Variants in SPATA16 observed in about 807,000 individuals in gnomAD.
SPATA16 encodes spermatogenesis-associated protein 16.
SPATA16 carries 36 observed loss-of-function variants against 63.3 expected under a neutral mutation model. The observed-to-expected ratio is 0.57, with a 90% confidence interval of 0.44 to 0.75. The LOEUF (loss-of-function observed/expected upper bound fraction) is 0.75. Ranked by LOEUF, SPATA16 falls within the 30% of genes least tolerant of loss-of-function variation. SPATA16 has a pLI of 0.00. For synonymous variants in SPATA16, 203 were observed against 216.7 expected (o/e 0.94, Z 0.56); for missense variants, 646 against 679.3 (o/e 0.95, Z 0.54).
At chr3:173,051,276 C>T (rs540339635) in intron 2 of SPATA16, among the ~76,000 whole-genome samples, 4 of 152,302 alleles carry the variant, frequency 2.6e-5, no homozygotes, top group South Asian at 2.1e-4. Context: ...GATCTCTCCT[C>T]ACAGCAACCT....
At chr3:173,107,190 G>A (rs1323227983) in intron 2 of SPATA16, among the ~76,000 whole-genome samples, 2 of 152,052 alleles carry the variant, frequency 1.3e-5, no homozygotes, top group Non-Finnish European at 2.9e-5. Flanking sequence ...CACTCTTACA[G>A]TGACATTGTA....
chr3:173,021,177 C>A (rs192209572), intron 3 of SPATA16, among the ~76,000 whole-genome samples: 1 of 152,108 alleles, frequency 6.6e-6, no homozygotes, highest in Non-Finnish European at 1.5e-5. Context: ...TGAGATGGAT[C>A]GACTGTATAA....
At chr3:172,898,501 A>G (rs1016556015) in intron 10 of SPATA16, among the ~76,000 whole-genome samples, 2 of 152,114 alleles carry the variant, frequency 1.3e-5, no homozygotes, top group African/African-American at 4.8e-5. Context: ...TTATATATGT[A>G]GAATTGTTCT....
intron 4 of SPATA16, among the ~76,000 whole-genome samples, chr3:173,001,139 G>T (rs576305750): frequency 4.6e-5 from 7 of 152,284 alleles, no homozygotes; most frequent in Middle Eastern, 3.4e-3. Context: ...GCAGTACAAA[G>T]ACTATAAAGA....
At chr3:172,987,666 C>T (rs985399372) in intron 4 of SPATA16, among the ~76,000 whole-genome samples, 2 of 152,166 alleles carry the variant, frequency 1.3e-5, no homozygotes, top group African/African-American at 4.8e-5. Flanking sequence ...TCTGGCTGTA[C>T]AAAAATAGGC....
intron 10 of SPATA16, among the ~76,000 whole-genome samples, chr3:172,910,061 G>T (rs1439688134): frequency 2.0e-5 from 3 of 150,864 alleles, no homozygotes; most frequent in African/African-American, 7.3e-5. Flanking sequence ...TTTTGGGAGA[G>T]GTAATGCTCT....
intron 4 of SPATA16, among the ~76,000 whole-genome samples, chr3:172,986,566 G>A (rs904341434): frequency 3.9e-5 from 6 of 152,168 alleles, no homozygotes; most frequent in East Asian, 1.9e-4. Context: ...GCATAAGCCC[G>A]AGAAGGGCAT....
chr3:173,133,787 GAA>G, intron 1 of SPATA16, among the ~76,000 whole-genome samples: 1 of 152,162 alleles, frequency 6.6e-6, no homozygotes, highest in East Asian at 1.9e-4. Flanking sequence ...AAAAAAGAAA[GAA>G]AGGAAAAAGG....
chr3:173,075,231 A>C (rs1736770534), intron 2 of SPATA16, among the ~76,000 whole-genome samples: 1 of 152,182 alleles, frequency 6.6e-6, no homozygotes, highest in Admixed American at 6.5e-5. Context: ...TTTAAAAATA[A>C]AATGAGAAAA....
intron 2 of SPATA16, among the ~76,000 whole-genome samples, chr3:173,106,489 A>G (rs1737624963): frequency 6.6e-6 from 1 of 152,192 alleles, no homozygotes; most frequent in Non-Finnish European, 1.5e-5. Context: ...TCCTGTAGTA[A>G]CCAGCACAAT....
intron 2 of SPATA16, among the ~76,000 whole-genome samples, chr3:173,099,594 G>C (rs1436190102): frequency 6.6e-6 from 1 of 152,108 alleles, no homozygotes; most frequent in Non-Finnish European, 1.5e-5. Context: ...TGTGGTTGGA[G>C]AATAGGGATA....
At chr3:172,921,560 G>GAAAAAAAAAAATC (rs10682331) in intron 8 of SPATA16, among the ~76,000 whole-genome samples, 3 of 149,278 alleles carry the variant, frequency 2.0e-5, no homozygotes, top group Non-Finnish European at 3.0e-5. Flanking sequence ...GTAAGCTAAG[G>GAAAAAAAAAAATC]AAAAAAAAAA....
chr3:172,992,495 C>T (rs1734600294), intron 4 of SPATA16, among the ~76,000 whole-genome samples: 1 of 151,924 alleles, frequency 6.6e-6, no homozygotes, highest in Admixed American at 6.6e-5. Flanking sequence ...AAGCACATCC[C>T]TTAAAGGAAG....
chr3:172,986,456 T>C (rs1734461359), intron 4 of SPATA16, among the ~76,000 whole-genome samples: 1 of 152,034 alleles, frequency 6.6e-6, no homozygotes, highest in Non-Finnish European at 1.5e-5. Flanking sequence ...AGTGGATAAA[T>C]CAATATATGT....
chr3:173,063,988 T>C (rs1736452170), intron 2 of SPATA16, among the ~76,000 whole-genome samples: 1 of 151,858 alleles, frequency 6.6e-6, no homozygotes, highest in Non-Finnish European at 1.5e-5. Flanking sequence ...GATTTATGGA[T>C]AGAAAAAGGA....
chr3:173,116,962 G>A (rs1420753713), intron 2 of SPATA16, among the ~76,000 whole-genome samples, 158 bp downstream of exon 2: 4 of 152,112 alleles, frequency 2.6e-5, no homozygotes, highest in African/African-American at 9.7e-5. Flanking sequence ...TTATTTATTT[G>A]CTTTATGTAA....
Position 172,993,099 on chromosome 3 carries a change from C to T in SPATA16, c.849-16047G>A, listed in dbSNP as rs965651194. On this transcript the variant is annotated intron_variant, in intron 4 of 10. Transcript: ENST00000351008. ...TTGGGGCTTATCCCCAGTTCCTTGG[C>T]GAGGGATCCAGAGGCTGAAGATTGA... Among the ~76,000 whole-genome samples the T allele has an allele frequency of 6.6e-5, 10 of 151,734 alleles. No individual in the cohort carries two copies. In the East Asian group the frequency reaches 1.4e-3, roughly 21 times the overall value.
At chr3:173,084,272 T>C (rs973904834) in intron 2 of SPATA16, among the ~76,000 whole-genome samples, 3 of 152,220 alleles carry the variant, frequency 2.0e-5, no homozygotes, top group Admixed American at 1.3e-4. Flanking sequence ...TGATCAGCGA[T>C]GTTGAGCTTT....
At chr3:173,074,395 C>G (rs1736740159) in intron 2 of SPATA16, among the ~76,000 whole-genome samples, 1 of 152,066 alleles carries the variant, frequency 6.6e-6, no homozygotes, top group African/African-American at 2.4e-5. Context: ...TGGGAGGGAC[C>G]TGGTGGGAGA....
Sources: gnomAD v4.1 joint callset for allele counts (sites outside exome capture counted in the v4.1 genomes callset) on GRCh38, gnomAD v4.1.1 for gene constraint, MANE v1.5 for transcripts, NCBI Gene and HGNC (gene_info 2026-07-23, HGNC 2026-07-21) for gene names.